Variants in BMPER observed in about 807,000 individuals in gnomAD.
BMPER encodes the protein BMP-binding endothelial regulator protein.
Under a neutral mutation model 87.3 loss-of-function variants are expected in BMPER, and 45 were observed. The ratio of observed to expected loss-of-function variants is 0.52; its 90% CI spans 0.41 to 0.66. The LOEUF (loss-of-function observed/expected upper bound fraction) is 0.66. BMPER is among the 30% of genes least tolerant of loss of function. The pLI is 0.00. For missense variants in BMPER, 784 were observed against 867.5 expected (o/e 0.90, Z 1.21); for synonymous variants, 326 against 316.2 (o/e 1.03, Z -0.33).
intron 8 of BMPER, among the ~76,000 whole-genome samples, chr7:34,053,751 A>C (rs751506592): frequency 6.6e-6 from 1 of 152,156 alleles, no homozygotes; most frequent in Non-Finnish European, 1.5e-5. Flanking sequence ...GTCTTGTCTC[A>C]GGGGTAGAAG....
intron 6 of BMPER, among the ~76,000 whole-genome samples, chr7:34,041,195 T>C (rs1787823234): frequency 6.6e-6 from 1 of 152,182 alleles, no homozygotes; most frequent in South Asian, 2.1e-4. Context: ...GGTGGCAGAT[T>C]TTCTGAGCAA....
chr7:34,142,350 T>C (rs1790896976), intron 13 of BMPER, among the ~76,000 whole-genome samples: 1 of 152,222 alleles, frequency 6.6e-6, no homozygotes, highest in Admixed American at 6.5e-5. Context: ...CCTTCATTTA[T>C]GGAACAAGAA....
At chr7:34,009,626 C>T (rs17169622) in intron 6 of BMPER, among the ~76,000 whole-genome samples, 22,126 of 151,768 alleles carry the variant, frequency 0.15, 2,811 homozygotes, top group African/African-American at 0.35. Context: ...TGGATAAAAC[C>T]GTATAAATGT....
intron 14 of BMPER, among the ~76,000 whole-genome samples, chr7:34,145,733 G>C (rs1183054047): frequency 1.3e-5 from 2 of 152,172 alleles, no homozygotes; most frequent in Non-Finnish European, 2.9e-5. Context: ...AGCTGTGGTA[G>C]TGCTGTTGTT....
intron 13 of BMPER, among the ~76,000 whole-genome samples, chr7:34,098,037 C>A (rs541352152): frequency 6.6e-6 from 1 of 152,080 alleles, no homozygotes; most frequent in African/African-American, 2.4e-5. Flanking sequence ...TTACTGCCTC[C>A]TCGTTCATGA....
chr7:33,920,713 T>C (rs968900216), intron 2 of BMPER, among the ~76,000 whole-genome samples: 1 of 152,028 alleles, frequency 6.6e-6, no homozygotes, highest in Admixed American at 6.6e-5. Context: ...GCGTGAGCCA[T>C]CGCACCTGGC....
intron 3 of BMPER, among the ~76,000 whole-genome samples, chr7:33,948,373 C>T (rs1784937167): frequency 6.6e-6 from 1 of 152,170 alleles, no homozygotes; most frequent in Non-Finnish European, 1.5e-5. Context: ...GGTGATTACT[C>T]TTCTGATTTA....
At chr7:33,928,468 T>G (rs779978577) in intron 2 of BMPER, among the ~76,000 whole-genome samples, 6 of 151,966 alleles carry the variant, frequency 3.9e-5, no homozygotes, top group Non-Finnish European at 7.4e-5. Context: ...ATTTGGTGGT[T>G]GTTTTTTTTT....
intron 13 of BMPER, among the ~76,000 whole-genome samples, chr7:34,118,118 A>G (rs541832891): frequency 3.3e-5 from 5 of 152,130 alleles, no homozygotes; most frequent in Admixed American, 1.3e-4. Context: ...GTTCGAGACC[A>G]ACATGGTGAA....
chr7:33,907,175 A>G (rs888241398), intron 2 of BMPER, among the ~76,000 whole-genome samples: 7 of 152,078 alleles, frequency 4.6e-5, no homozygotes, highest in African/African-American at 1.7e-4. Flanking sequence ...CGGTGAAATG[A>G]CAGTTTGTAA....
intron 6 of BMPER, among the ~76,000 whole-genome samples, chr7:34,005,737 G>A (rs940794496): frequency 5.3e-5 from 8 of 151,936 alleles, no homozygotes; most frequent in Non-Finnish European, 7.4e-5. Flanking sequence ...TGTTGACAGA[G>A]TTCTTATTGC....
intron 5 of BMPER, among the ~76,000 whole-genome samples, chr7:33,972,609 G>A (rs1218495501): frequency 6.6e-6 from 1 of 151,932 alleles, no homozygotes; most frequent in Non-Finnish European, 1.5e-5. Flanking sequence ...AAGGGCCAAA[G>A]GTGAGGTTGG....
intron 13 of BMPER, among the ~76,000 whole-genome samples, chr7:34,124,547 A>C (rs1431899215): frequency 4.6e-5 from 7 of 151,926 alleles, no homozygotes; most frequent in African/African-American, 1.7e-4. Flanking sequence ...ATATAGGAAA[A>C]CTGTTTTTAT....
chr7:33,917,831 C>T lies in BMPER; in HGVS notation c.219+10928C>T, dbSNP rs144166168. ...ATAGGGCAAGCACCCTATTTTTAGA[C>T]CCTGTGTGGTCAGTTGGCCACTCTG... On this transcript the variant is annotated intron_variant, in intron 2 of 14. Transcript: ENST00000649409. 8.2e-3 allele frequency among the ~76,000 whole-genome samples: 1,243 copies of T among 152,146 alleles called. 23 individuals carry two copies. Among genetic ancestry groups the T allele is most frequent in the African/African-American group, 0.027 (1,138 of 41,498 alleles).
chr7:34,129,630 G>GAGAAAGAAAGAAAGAA (rs10527738), intron 13 of BMPER, among the ~76,000 whole-genome samples: 6,277 of 56,150 alleles, frequency 0.11, 689 homozygotes, highest in Non-Finnish European at 0.12. Context: ...GAGAGAAAGA[G>GAGAAAGAAAGAAAGAA]AGAAAGAAAG....
chr7:34,049,872 TCAC>T (rs764668533), intron 7 of BMPER, among the ~76,000 whole-genome samples: 1 of 152,174 alleles, frequency 6.6e-6, no homozygotes, highest in African/African-American at 2.4e-5. Flanking sequence ...AAAAATGACT[TCAC>T]CATCATTTTT....
At chr7:34,062,578 G>T (rs745627038) in intron 11 of BMPER, among the ~76,000 whole-genome samples, 1 of 151,974 alleles carries the variant, frequency 6.6e-6, no homozygotes, top group South Asian at 2.1e-4. Context: ...ATAGTCATGG[G>T]TCACTTAACA....
At chr7:33,986,040 A>G (rs1263544691) in intron 6 of BMPER, among the ~76,000 whole-genome samples, 1 of 152,148 alleles carries the variant, frequency 6.6e-6, no homozygotes, top group Non-Finnish European at 1.5e-5. Context: ...ATTTTGTCCA[A>G]GACTTTTCAT....
chr7:34,039,603 T>TACAC (rs56214614), intron 6 of BMPER, among the ~76,000 whole-genome samples: 12,422 of 142,574 alleles, frequency 0.087, 524 homozygotes, highest in Middle Eastern at 0.14. Context: ...GACACACAAA[T>TACAC]ACACACACAC....
Sources: allele counts gnomAD v4.1 joint callset (sites outside exome capture counted in the v4.1 genomes callset), GRCh38; gene constraint gnomAD v4.1.1; transcripts MANE v1.5; gene names NCBI Gene and HGNC (gene_info 2026-07-23, HGNC 2026-07-21).